GYS2: variants seen among roughly 807,000 people sequenced by gnomAD.
GYS2 encodes glycogen [starch] synthase, liver.
Under a neutral mutation model 85.6 loss-of-function variants are expected in GYS2, and 80 were observed. The observed-to-expected ratio is 0.93, with a 90% confidence interval of 0.78 to 1.13. GYS2 has a LOEUF of 1.13. Ranked by LOEUF, GYS2 falls within the 50% of genes most tolerant of loss-of-function variation. The pLI is 0.00. For missense variants in GYS2, 881 were observed against 854.9 expected (o/e 1.03, Z -0.38); for synonymous variants, 328 against 300.7 (o/e 1.09, Z -0.94).
At chr12:21,593,025 G>A (rs1944656472) in intron 1 of GYS2, among the ~76,000 whole-genome samples, 1 of 151,932 alleles carries the variant, frequency 6.6e-6, no homozygotes, top group South Asian at 2.1e-4. Context: ...ACATGCTCCT[G>A]AATGAACGTT....
chr12:21,538,368 T>C (rs1943934347), intron 15 of GYS2, among the ~76,000 whole-genome samples: 1 of 152,216 alleles, frequency 6.6e-6, no homozygotes, highest in African/African-American at 2.4e-5. Flanking sequence ...TGACCCCTGA[T>C]TGAGAAATTA....
At chr12:21,581,763 A>T (rs540117123) in intron 1 of GYS2, among the ~76,000 whole-genome samples, 6 of 152,212 alleles carry the variant, frequency 3.9e-5, no homozygotes, top group African/African-American at 1.4e-4. Flanking sequence ...TATGAAAAGG[A>T]TGTTTACTAA....
At chr12:21,560,197 A>G (rs533112644) in intron 8 of GYS2, among the ~76,000 whole-genome samples, 189 bp downstream of exon 8, 1 of 152,324 alleles carries the variant, frequency 6.6e-6, no homozygotes, top group East Asian at 1.9e-4. Flanking sequence ...AAATTTGTAT[A>G]ACACCTATAA....
intron 2 of GYS2, among the ~76,000 whole-genome samples, chr12:21,576,349 T>C (rs537297800): frequency 3.3e-5 from 5 of 152,314 alleles, no homozygotes; most frequent in African/African-American, 9.6e-5. Flanking sequence ...CTTGTGACCA[T>C]GAACTCACAG....
At chr12:21,552,905 G>A (rs553659043) in intron 11 of GYS2, among the ~76,000 whole-genome samples, 13 of 152,178 alleles carry the variant, frequency 8.5e-5, no homozygotes, top group South Asian at 4.1e-4. Context: ...AGATAAATCC[G>A]CTTTCTTCAC....
intron 1 of GYS2, among the ~76,000 whole-genome samples, chr12:21,598,375 A>T (rs1944719167): frequency 6.6e-6 from 1 of 152,026 alleles, no homozygotes; most frequent in Admixed American, 6.6e-5. Flanking sequence ...TTGAGGCCTG[A>T]TTGTAAGTAA....
At chr12:21,570,753 A>C (rs1944376072) in intron 4 of GYS2, among the ~76,000 whole-genome samples, 1 of 152,254 alleles carries the variant, frequency 6.6e-6, no homozygotes, top group Admixed American at 6.5e-5. Flanking sequence ...GGGCCAGATC[A>C]CTGAAATCCC....
intron 1 of GYS2, among the ~76,000 whole-genome samples, chr12:21,589,529 C>A (rs183457759): frequency 1.3e-5 from 2 of 152,138 alleles, no homozygotes; most frequent in South Asian, 4.1e-4. Context: ...GAAAATCCCA[C>A]ATAAGAGAGA....
At chr12:21,582,103 A>G (rs1944516585) in intron 1 of GYS2, among the ~76,000 whole-genome samples, 1 of 152,206 alleles carries the variant, frequency 6.6e-6, no homozygotes, top group African/African-American at 2.4e-5. Context: ...CTATGAATGC[A>G]ACAAAAGGCT....
chr12:21,560,271 T>A (rs1301193146), intron 8 of GYS2, 115 bp downstream of exon 8: 2 of 724,758 alleles, frequency 2.8e-6, no homozygotes, highest in Non-Finnish European at 5.1e-6. Flanking sequence ...GTATTATTTG[T>A]CTGTAATAAT....
chr12:21,536,966 T>C lies in GYS2; in HGVS notation c.2100A>G (p.Glu700=), dbSNP rs753004525. 13 of 1,610,638 alleles carry C rather than the reference T, an allele frequency of 8.1e-6. No individual in the cohort carries two copies. Among genetic ancestry groups the C allele is most frequent in the Middle Eastern group, 1.7e-4 (1 of 6,032 alleles). ...GCACATGTAGAATTCAGTTCTTATATTCACCATGCAGCTTTTTCTTCCCAT... is the reference window on the plus strand; with the variant it reads ...GCACATGTAGAATTCAGTTCTTATACTCACCATGCAGCTTTTTCTTCCCAT... ...VPHGKKKLHG[E]YKN Residue 700 remains glutamate (E), a synonymous_variant, in exon 16 of 16, where the codon GAA becomes GAG. Coordinates refer to ENST00000261195, the MANE Select transcript of GYS2 (RefSeq NM_021957.4).
Position 21,540,442 on chromosome 12 carries a change from A to G in GYS2, c.1777T>C (p.Ser593Pro), listed in dbSNP as rs1441175576. ...IIQRNRTERL[S>P]DLLDWRYLGR... is the part of the protein sequence containing the mutation. ...AAGTATCTCCAATCCAGAAGATCTG[A>G]GAGCCTCTCAGTTCTGTTCCTCTGG... is the stretch of plus-strand genomic sequence containing the variant. The change falls in exon 14 of 16, where the codon TCA becomes CCA. Residue 593 changes from serine (S) to proline (P), a missense_variant. Ser to Pro is a moderately conservative substitution (Grantham distance 74, BLOSUM62 -1). Coordinates refer to ENST00000261195, the MANE Select transcript of GYS2 (RefSeq NM_021957.4). 1 of 1,614,004 alleles carries G rather than the reference A, an allele frequency of 6.2e-7. No individual in the cohort carries two copies. The highest frequency in any genetic ancestry group is 8.5e-7 in the Non-Finnish European group (1 of 1,180,002).
chr12:21,546,236 T>G, intron 12 of GYS2, 108 bp downstream of exon 12: 1 of 846,050 alleles, frequency 1.2e-6, no homozygotes, highest in Admixed American at 3.0e-5. Flanking sequence ...ACTGAAGAAT[T>G]GAAATCTTAT....
At chr12:21,604,066 G>A (rs1944781027) in intron 1 of GYS2, among the ~76,000 whole-genome samples, 2 of 152,096 alleles carry the variant, frequency 1.3e-5, no homozygotes, top group Non-Finnish European at 2.9e-5. Context: ...CTAACAGAAT[G>A]TAGAGTTGAG....
At chr12:21,569,761 G>A (rs1022367566) in intron 4 of GYS2, among the ~76,000 whole-genome samples, 17 of 152,330 alleles carry the variant, frequency 1.1e-4, no homozygotes, top group Middle Eastern at 3.4e-3. Context: ...TAAGTAGGGT[G>A]CTTTTCATAG....
intron 7 of GYS2, among the ~76,000 whole-genome samples, chr12:21,560,982 G>A (rs1320815618): frequency 6.6e-6 from 1 of 152,136 alleles, no homozygotes; most frequent in Non-Finnish European, 1.5e-5. Flanking sequence ...CATGTTGATT[G>A]ATGACAGATA....
chr12:21,587,909 G>A (rs1017284012), intron 1 of GYS2, among the ~76,000 whole-genome samples: 27 of 152,102 alleles, frequency 1.8e-4, no homozygotes, highest in Admixed American at 6.5e-5. Context: ...CAAGGAAAGA[G>A]TAATAGGATT....
intron 1 of GYS2, among the ~76,000 whole-genome samples, chr12:21,593,262 G>T (rs1343783926): frequency 6.8e-6 from 1 of 147,770 alleles, no homozygotes; most frequent in Admixed American, 6.8e-5. Flanking sequence ...CAGAAGGAAA[G>T]AAAAAATGAA....
intron 1 of GYS2, among the ~76,000 whole-genome samples, chr12:21,595,969 T>C (rs1020486146): frequency 2.0e-5 from 3 of 152,098 alleles, no homozygotes; most frequent in Admixed American, 6.6e-5. Context: ...ACAGAACATT[T>C]CATCCAATAA....
Sources: allele counts gnomAD v4.1 joint callset (sites outside exome capture counted in the v4.1 genomes callset), GRCh38; gene constraint gnomAD v4.1.1; transcripts MANE v1.5; gene names NCBI Gene and HGNC (gene_info 2026-07-23, HGNC 2026-07-21).